LRRFIP1: variants seen among roughly 807,000 people sequenced by gnomAD.
LRRFIP1 encodes LRR binding FLII interacting protein 1, also known as leucine-rich repeat flightless-interacting protein 1.
LRRFIP1 carries 62 observed loss-of-function variants against 104.4 expected under a neutral mutation model. That is an observed-to-expected ratio of 0.59 (90% CI 0.48 to 0.73). The LOEUF (loss-of-function observed/expected upper bound fraction) is 0.73. Among genes scored for constraint, LRRFIP1 ranks in the 30% least tolerant of loss-of-function variants. The probability of loss-of-function intolerance (pLI) is 0.00; values close to 1 mark genes in which losing one functional copy is unlikely to be tolerated. For missense variants in LRRFIP1, 796 were observed against 824.5 expected (o/e 0.97, Z 0.42); for synonymous variants, 300 against 299.0 (o/e 1.00, Z -0.03).
chr2:237,635,124 C>T (rs947419632), intron 1 of LRRFIP1, among the ~76,000 whole-genome samples: 2 of 152,178 alleles, frequency 1.3e-5, no homozygotes, highest in African/African-American at 4.8e-5. Flanking sequence ...ACACATCCTT[C>T]AGTAGCTTTC....
intron 19 of LRRFIP1, chr2:237,763,846 T>G: frequency 6.2e-7 from 1 of 1,614,190 alleles, no homozygotes; most frequent in Non-Finnish European, 8.5e-7. Context: ...ATGGTGCCAC[T>G]CAAAGCAGTC....
intron 1 of LRRFIP1, among the ~76,000 whole-genome samples, chr2:237,634,721 C>A (rs190211269): frequency 6.6e-4 from 101 of 152,292 alleles, no homozygotes; most frequent in African/African-American, 2.4e-3. Flanking sequence ...ATCTTTCTTT[C>A]CTTATACAAC....
At chr2:237,720,946 A>T in intron 6 of LRRFIP1, 124 bp downstream of exon 6, 1 of 802,784 alleles carries the variant, frequency 1.2e-6, no homozygotes, top group East Asian at 2.5e-5. Context: ...TATTTAACCG[A>T]TGAGATGCTT....
intron 1 of LRRFIP1, among the ~76,000 whole-genome samples, chr2:237,660,032 C>T (rs1476049138): frequency 1.3e-5 from 2 of 152,038 alleles, no homozygotes; most frequent in East Asian, 3.8e-4. Flanking sequence ...CTTACATAGA[C>T]ATTAAAATAT....
rs1331145213 is a variant in LRRFIP1, at chr2:237,649,171, C to A, written c.96+21431C>A. 6.6e-6 allele frequency among the ~76,000 whole-genome samples: 1 copy of A among 151,846 alleles called. No homozygotes were observed. Among genetic ancestry groups the A allele is most frequent in the Non-Finnish European group, 1.5e-5 (1 of 67,894 alleles). ...AGCCTCAGAGCCCCGTTCTCTGTGA[C>A]CTGGCTGGGTCAAAGCCTGGCCCCA... On this transcript the variant is annotated intron_variant, in intron 1 of 23. Transcript: ENST00000308482. This position sits in a 1 kb window ranked among gnomAD's most constrained non-coding sequence, Gnocchi z 4.1.
chr2:237,772,121 T>C lies in LRRFIP1; in HGVS notation c.1550T>C (p.Ile517Thr), dbSNP rs1275598523. 1 of 1,613,866 alleles carries C rather than the reference T, an allele frequency of 6.2e-7. No homozygotes were observed. The highest frequency in any genetic ancestry group is 8.5e-7 in the Non-Finnish European group (1 of 1,179,852). The change falls in exon 21 of 24, where the codon ATT becomes ACT. Residue 517 changes from isoleucine to threonine, a missense_variant. Ile to Thr is a moderately conservative substitution (Grantham distance 89). Coordinates refer to ENST00000308482, the MANE Select transcript of LRRFIP1 (RefSeq NM_001137550.2). ...GGGCAGCTGGAGGAGAGACAGAAGA[T>C]TGGCAAACTAGACAATCTTCGATCT... ...LKGQLEERQK[I>T]GKLDNLRSED...
At chr2:237,652,805 G>A (rs2086151398) in intron 1 of LRRFIP1, among the ~76,000 whole-genome samples, 1 of 152,188 alleles carries the variant, frequency 6.6e-6, no homozygotes, top group Non-Finnish European at 1.5e-5. Context: ...CCATGATCGT[G>A]CCACTGCACT....
At chr2:237,696,649 T>C (rs2093203327) in intron 1 of LRRFIP1, among the ~76,000 whole-genome samples, 1 of 152,222 alleles carries the variant, frequency 6.6e-6, no homozygotes, top group Non-Finnish European at 1.5e-5. Flanking sequence ...TCAGGGACTT[T>C]CCAAGCCCTC....
At chr2:237,715,699 A>G (rs1391115315) in intron 3 of LRRFIP1, among the ~76,000 whole-genome samples, 2 of 152,354 alleles carry the variant, frequency 1.3e-5, no homozygotes, top group African/African-American at 2.4e-5. Context: ...CGGCCCAGCC[A>G]GCTGCTTTGC....
At chr2:237,729,828 A>T (rs894798270) in intron 8 of LRRFIP1, 12 of 985,370 alleles carry the variant, frequency 1.2e-5, no homozygotes, top group Non-Finnish European at 1.3e-5. Context: ...GTCATCATCC[A>T]GGGAGGAGAA....
intron 1 of LRRFIP1, among the ~76,000 whole-genome samples, chr2:237,690,747 A>G (rs77911545): frequency 0.12 from 17,701 of 151,786 alleles, 3,162 homozygotes; most frequent in African/African-American, 0.39. Flanking sequence ...AAAAAAAAAA[A>G]AAAGAAAGAA....
chr2:237,762,083 T>C (rs2059933121), intron 19 of LRRFIP1, among the ~76,000 whole-genome samples: 1 of 152,234 alleles, frequency 6.6e-6, no homozygotes, highest in East Asian at 1.9e-4. Context: ...CAAAAGCATC[T>C]TCCTTGAGAC....
chr2:237,764,062 C>T (rs2060115246), intron 19 of LRRFIP1: 1 of 1,614,078 alleles, frequency 6.2e-7, no homozygotes. Context: ...AGCCAGGGCA[C>T]TTCAATCCAG....
intron 19 of LRRFIP1, chr2:237,764,370 T>C (rs1447326944): frequency 2.1e-6 from 3 of 1,451,904 alleles, no homozygotes; most frequent in Admixed American, 2.8e-5. Context: ...TACGTTCTAA[T>C]TGAGAGCATT....
chr2:237,630,955 A>G (rs1316199322), intron 1 of LRRFIP1, among the ~76,000 whole-genome samples: 1 of 152,126 alleles, frequency 6.6e-6, no homozygotes, highest in Non-Finnish European at 1.5e-5. Context: ...GTAAACTTTC[A>G]TGAGTCTGTC....
At chr2:237,764,321 G>A in intron 19 of LRRFIP1, 1 of 1,506,736 alleles carries the variant, frequency 6.6e-7, no homozygotes, top group Non-Finnish European at 8.9e-7. Flanking sequence ...AATCATTGAG[G>A]TTATCACCCA....
chr2:237,768,121 T>A (rs1018301495), intron 19 of LRRFIP1: 1 of 152,148 alleles, frequency 6.6e-6, no homozygotes. Context: ...GACTTGGTGG[T>A]TTTTAACGCT....
chr2:237,774,165 G>T, intron 22 of LRRFIP1, 193 bp from the exon 23 acceptor site: 1 of 565,982 alleles, frequency 1.8e-6, no homozygotes, highest in Non-Finnish European at 3.2e-6. Flanking sequence ...TGTCAGCACA[G>T]GGTCGCCCAG....
intron 3 of LRRFIP1, among the ~76,000 whole-genome samples, chr2:237,714,511 T>C (rs2150099156): frequency 6.6e-6 from 1 of 152,366 alleles, no homozygotes; most frequent in East Asian, 1.9e-4. Flanking sequence ...GTCATCTGCA[T>C]TTTCCTCAAG....
Sources: allele counts gnomAD v4.1 joint callset (sites outside exome capture counted in the v4.1 genomes callset), GRCh38; gene constraint gnomAD v4.1.1; non-coding constraint Gnocchi (gnomAD v3.1); transcripts MANE v1.5; gene names NCBI Gene and HGNC (gene_info 2026-07-23, HGNC 2026-07-21).